Variants in CADM2 observed in about 807,000 individuals in gnomAD.
The protein encoded by CADM2 is immunoglobulin superfamily member 4D.
Under a neutral mutation model 49.8 loss-of-function variants are expected in CADM2, and 12 were observed. That is an observed-to-expected ratio of 0.24 (90% CI 0.15 to 0.39). The LOEUF (loss-of-function observed/expected upper bound fraction) is 0.39, where lower values mean the gene tolerates loss of function less well. CADM2 is among the 10% of genes least tolerant of loss of function. The pLI is 1.00. For missense variants in CADM2, 378 were observed against 492.3 expected, an observed-to-expected ratio of 0.77 and a Z score of 2.20; for synonymous variants, 214 against 175.4, an observed-to-expected ratio of 1.22 and a Z score of -1.74.
At chr3:85,727,652 A>G (rs1240668950) in intron 2 of CADM2, among the ~76,000 whole-genome samples, 2 of 152,146 alleles carry the variant, frequency 1.3e-5, no homozygotes, top group African/African-American at 4.8e-5. Context: ...TAATGAAAGG[A>G]TGAGAAGTGT....
rs568898216 is a variant in CADM2 at position 85,363,215 on chromosome 3, T to C, written c.62-363307T>C. On this transcript the variant is annotated intron_variant, in intron 1 of 9. Coordinates refer to ENST00000383699, the MANE Select transcript of CADM2 (RefSeq NM_001167675.2). Reference sequence around the variant, plus strand: ...CAAACTTCATTCTCCTTGTATAGAGTTTTACATATGGTCATTTCATAGTGT... The same window carrying C: ...CAAACTTCATTCTCCTTGTATAGAGCTTTACATATGGTCATTTCATAGTGT... Among the ~76,000 whole-genome samples, 48 of 152,262 alleles carry C rather than the reference T, an allele frequency of 3.2e-4. 1 individual carries two copies. The South Asian group carries it at 9.5e-3, about 30-fold the overall frequency.
chr3:85,114,396 G>C (rs578082009), intron 1 of CADM2, among the ~76,000 whole-genome samples: 1 of 152,088 alleles, frequency 6.6e-6, no homozygotes, highest in Non-Finnish European at 1.5e-5. Flanking sequence ...ACAGGTAGTT[G>C]GTTCTCTTGT....
chr3:85,711,433 TA>T (rs137952107), intron 1 of CADM2, among the ~76,000 whole-genome samples: 1 of 152,132 alleles, frequency 6.6e-6, no homozygotes, highest in Non-Finnish European at 1.5e-5. Context: ...AAGGAAACTT[TA>T]AAAAAATAAA....
intron 1 of CADM2, among the ~76,000 whole-genome samples, chr3:85,000,262 C>T (rs111548779): frequency 1.3e-4 from 20 of 151,650 alleles, no homozygotes; most frequent in African/African-American, 4.8e-4. Flanking sequence ...TACAGGTGTG[C>T]ATCACCACGC....
At chr3:85,942,974 C>G (rs1722139240) in intron 7 of CADM2, among the ~76,000 whole-genome samples, 1 of 152,114 alleles carries the variant, frequency 6.6e-6, no homozygotes, top group South Asian at 2.1e-4. Flanking sequence ...GTTCCTATTT[C>G]TTCACATCCT....
At chr3:85,879,388 G>A (rs549550670) in intron 3 of CADM2, among the ~76,000 whole-genome samples, 43 of 152,196 alleles carry the variant, frequency 2.8e-4, no homozygotes, top group Non-Finnish European at 3.7e-4. Flanking sequence ...AAGAATGACA[G>A]CAAAGGGGAT....
chr3:85,953,462 T>G (rs190812205), intron 7 of CADM2, among the ~76,000 whole-genome samples: 23 of 151,090 alleles, frequency 1.5e-4, no homozygotes, highest in Non-Finnish European at 2.4e-4. Context: ...TACCCAGGGC[T>G]TAGACTCCTA....
At chr3:85,408,041 A>AAG (rs1158025766) in intron 1 of CADM2, among the ~76,000 whole-genome samples, 2 of 151,196 alleles carry the variant, frequency 1.3e-5, no homozygotes, top group Non-Finnish European at 2.9e-5. Context: ...GAAGAAGAAG[A>AAG]AAAAAACGGA....
At chr3:85,685,443 G>C (rs887484932) in intron 1 of CADM2, among the ~76,000 whole-genome samples, 5 of 152,094 alleles carry the variant, frequency 3.3e-5, no homozygotes, top group African/African-American at 1.2e-4. Flanking sequence ...GTTGGGAATA[G>C]GGGAGGCTAT....
chr3:86,020,956 C>T (rs903298053), intron 8 of CADM2, among the ~76,000 whole-genome samples: 1 of 152,120 alleles, frequency 6.6e-6, no homozygotes, highest in African/African-American at 2.4e-5. Context: ...CTCACCACTC[C>T]TATTCAACAT....
chr3:85,417,816 G>A (rs1433425525), intron 1 of CADM2, among the ~76,000 whole-genome samples: 2 of 152,096 alleles, frequency 1.3e-5, no homozygotes, highest in African/African-American at 4.8e-5. Context: ...CTGGTCTAGA[G>A]CAGTGCTTTT....
chr3:85,477,868 C>T (rs1291518630), intron 1 of CADM2, among the ~76,000 whole-genome samples: 4 of 151,838 alleles, frequency 2.6e-5, no homozygotes, highest in Non-Finnish European at 5.9e-5. Flanking sequence ...GTGTAAATAA[C>T]ACCAGTGGAG....
At chr3:85,612,201 A>G (rs913791026) in intron 1 of CADM2, among the ~76,000 whole-genome samples, 1 of 151,944 alleles carries the variant, frequency 6.6e-6, no homozygotes, top group African/African-American at 2.4e-5. Flanking sequence ...TAGGGAAAAT[A>G]TCTCTTTTTC....
At chr3:85,323,026 C>G (rs890931732) in intron 1 of CADM2, among the ~76,000 whole-genome samples, 2 of 152,134 alleles carry the variant, frequency 1.3e-5, no homozygotes, top group Non-Finnish European at 2.9e-5. Context: ...ATGGATATGT[C>G]TTACTCATTT....
intron 8 of CADM2, among the ~76,000 whole-genome samples, chr3:85,971,555 A>G (rs559982307): frequency 1.3e-5 from 2 of 151,768 alleles, no homozygotes; most frequent in African/African-American, 4.8e-5. Context: ...TTTTCTTTTA[A>G]TGGATGACAG....
chr3:85,237,500 C>G (rs2042433533), intron 1 of CADM2, among the ~76,000 whole-genome samples: 1 of 151,122 alleles, frequency 6.6e-6, no homozygotes, highest in Non-Finnish European at 1.5e-5. Context: ...TTTCCAAAAA[C>G]TTGATAAGTT....
intron 1 of CADM2, among the ~76,000 whole-genome samples, chr3:85,022,044 A>G (rs2034533482): frequency 6.6e-6 from 1 of 152,332 alleles, no homozygotes; most frequent in African/African-American, 2.4e-5. Context: ...CAGTATTGCT[A>G]AACTACTAAC....
intron 1 of CADM2, among the ~76,000 whole-genome samples, chr3:85,195,819 AGT>A (rs2041331029): frequency 6.6e-6 from 1 of 152,094 alleles, no homozygotes; most frequent in African/African-American, 2.4e-5. Context: ...CACCTAAAAT[AGT>A]GTTTTATTTA....
rs565344726 is a variant in CADM2 at position 85,788,461 on chromosome 3, T to A, written c.89-13586T>A. ...ATTTTACATAAATAACTTTATTTAG[T>A]GCACCAATGCAATTATTTTAATTTT... is the stretch of plus-strand genomic sequence containing the variant. On this transcript the variant is annotated intron_variant, in intron 2 of 9. Coordinates refer to ENST00000383699, the MANE Select transcript of CADM2 (RefSeq NM_001167675.2). Among the ~76,000 whole-genome samples, 3 of 151,552 alleles carry A rather than the reference T, an allele frequency of 2.0e-5. No individual in the cohort carries two copies. The East Asian group carries it at 5.8e-4, about 29-fold the overall frequency.
Sources: gnomAD v4.1 joint callset for allele counts (sites outside exome capture counted in the v4.1 genomes callset) on GRCh38, gnomAD v4.1.1 for gene constraint, MANE v1.5 for transcripts, NCBI Gene and HGNC (gene_info 2026-07-23, HGNC 2026-07-21) for gene names.